FLOT1: variants seen among roughly 807,000 people sequenced by gnomAD.
FLOT1 encodes the protein flotillin-1.
A neutral mutation model predicts 58.4 loss-of-function variants in FLOT1; 40 were observed. The ratio of observed to expected loss-of-function variants is 0.69; its 90% CI spans 0.53 to 0.89. The LOEUF is 0.89. FLOT1 is among the 40% of genes least tolerant of loss of function. The probability of loss-of-function intolerance (pLI) is 0.00; values close to 1 mark genes in which losing one functional copy is unlikely to be tolerated. For synonymous variants in FLOT1, 178 were observed against 204.2 expected (o/e 0.87, Z 1.09); for missense variants, 423 against 540.8 (o/e 0.78, Z 2.16).
rs1554208614 is a variant in FLOT1 at position 30,737,246 on chromosome 6, G to GTCCGTCCGTCCGTCCATCCA, written c.723+2911_723+2912insTGGATGGACGGACGGACGGA. On this transcript the variant is annotated intron_variant, in intron 8 of 12. Coordinates refer to ENST00000376389, the MANE Select transcript of FLOT1 (RefSeq NM_005803.4). The surrounding 1 kb of genome is among the most constrained non-coding windows in gnomAD (Gnocchi z 4.4). ...CGTCCGTCCGTCCGTCCGTCCGTCC[G>GTCCGTCCGTCCGTCCATCCA]TCCATCCGTCCATCCATCCATCCAT... Among the ~76,000 whole-genome samples the GTCCGTCCGTCCGTCCATCCA allele has an allele frequency of 1.4e-5, 2 of 145,398 alleles. No individual in the cohort carries two copies. Among genetic ancestry groups the GTCCGTCCGTCCGTCCATCCA allele is most frequent in the Non-Finnish European group, 3.0e-5 (2 of 65,840 alleles).
intron 5 of FLOT1, 28 bp from the exon 6 acceptor site, chr6:30,740,826 G>A (rs775165694): frequency 1.3e-6 from 2 of 1,520,644 alleles, no homozygotes; most frequent in South Asian, 1.2e-5. Context: ...TGGGGAGAAG[G>A]GATGTAAGTT....
chr6:30,728,318 A>G (rs1776884668), intron 12 of FLOT1, among the ~76,000 whole-genome samples, 173 bp from the exon 13 acceptor site: 1 of 152,086 alleles, frequency 6.6e-6, no homozygotes, highest in African/African-American at 2.4e-5. Context: ...ACCCACATAC[A>G]ATAAATCACT....
At chr6:30,733,288 G>A (rs550053541) in intron 8 of FLOT1, among the ~76,000 whole-genome samples, 33 of 151,998 alleles carry the variant, frequency 2.2e-4, no homozygotes, top group Non-Finnish European at 3.8e-4. Context: ...CACCTGCTTC[G>A]GCTTCCCAAA....
intron 8 of FLOT1, among the ~76,000 whole-genome samples, chr6:30,733,747 A>C (rs1777361664): frequency 7.8e-6 from 1 of 128,592 alleles, no homozygotes; most frequent in Non-Finnish European, 1.6e-5. Context: ...TCTCAAAAAA[A>C]AAAAAAAAGA....
intron 9 of FLOT1, 42 bp downstream of exon 9, chr6:30,730,877 G>A (rs775071117): frequency 2.5e-6 from 4 of 1,602,520 alleles, no homozygotes; most frequent in Admixed American, 3.4e-5. Context: ...GGGGTGCCTA[G>A]GTGGCAAGTG....
At chr6:30,730,314 C>CA in intron 11 of FLOT1, 114 bp downstream of exon 11, 2 of 1,492,448 alleles carry the variant, frequency 1.3e-6, no homozygotes, top group Non-Finnish European at 1.8e-6. Context: ...TAATAATTCC[C>CA]ACCCCTAATT....
intron 12 of FLOT1, among the ~76,000 whole-genome samples, chr6:30,728,830 G>A (rs1231127928): frequency 1.3e-5 from 2 of 149,396 alleles, no homozygotes; most frequent in Non-Finnish European, 3.0e-5. Context: ...TGCCTAGGAT[G>A]GAGTGCAGTG....
In FLOT1 at chr6:30,741,177, C is replaced by A; in HGVS notation, c.354+13G>T. 7 of 1,612,628 alleles carry A rather than the reference C, an allele frequency of 4.3e-6. No individual in the cohort carries two copies. The highest frequency in any genetic ancestry group is 5.9e-6 in the Non-Finnish European group (7 of 1,179,932). ...TGACATCCTTCCAGATGGTTCCCTG[C>A]CCCTAGGCCAACCTCCACAGTCATG... On this transcript the variant is annotated intron_variant, in intron 5 of 12. Coordinates refer to ENST00000376389, the MANE Select transcript of FLOT1 (RefSeq NM_005803.4). The surrounding 1 kb of genome is among the most constrained non-coding windows in gnomAD (Gnocchi z 5.9).
rs1306799946 is a variant in FLOT1, at chr6:30,737,711, T to C, written c.723+2447A>G. On this transcript the variant is annotated intron_variant, in intron 8 of 12. Coordinates refer to ENST00000376389, the MANE Select transcript of FLOT1 (RefSeq NM_005803.4). The surrounding 1 kb of genome is among the most constrained non-coding windows in gnomAD (Gnocchi z 4.4). The stretch of plus-strand genomic sequence containing the variant: ...CGCTAACCTAATATACTAACTCCCC[T>C]CCCACAGTTTTTCACATCACCCTGT... Among the ~76,000 whole-genome samples, 2 of 152,140 alleles carry C rather than the reference T, an allele frequency of 1.3e-5. No homozygotes were observed. Among genetic ancestry groups the C allele is most frequent in the African/African-American group, 2.4e-5 (1 of 41,444 alleles).
At chr6:30,736,247 G>C (rs75727211) in intron 8 of FLOT1, 11,230 of 151,858 alleles carry the variant, frequency 0.074, 674 homozygotes, top group African/African-American at 0.16. Context: ...GTAAGACCCG[G>C]TCTCAAAGAG....
In FLOT1 at chr6:30,730,716, A is replaced by G; in HGVS notation, c.917T>C (p.Ile306Thr). The G allele has an allele frequency of 6.2e-7, 1 of 1,613,306 alleles. No homozygotes were observed. The highest frequency in any genetic ancestry group is 1.7e-5 in the Admixed American group (1 of 60,028). Residue 306 changes from isoleucine to threonine, a missense_variant, in exon 10 of 13, where the codon ATT becomes ACT. This residue lies in a region of FLOT1 where 106 missense variants were observed against 88.4 expected (regional missense o/e 1.20). Coordinates refer to ENST00000376389, the MANE Select transcript of FLOT1 (RefSeq NM_005803.4). The stretch of plus-strand genomic sequence containing the variant: ...CGCGGCTTCTGCCTCCGCCTGCATA[A>G]TTAGTTGGGACCTGTGGACAGAAGG... ...RLAEAEKSQL[I>T]MQAEAEAASV...
chr6:30,742,208 A>C lies in FLOT1; in HGVS notation c.-14-5T>G. 1 of 1,612,752 alleles carries C rather than the reference A, an allele frequency of 6.2e-7. No homozygotes were observed. The highest frequency in any genetic ancestry group is 8.5e-7 in the Non-Finnish European group (1 of 1,179,780). ...AAAACATGGTTCAGGCTGGAGCTGG[A>C]GGAGAGGGAGGGAAAGCCTTTGCGG... On this transcript the variant is annotated splice_region_variant and splice_polypyrimidine_tract_variant and intron_variant, in intron 1 of 12. Coordinates refer to ENST00000376389, the MANE Select transcript of FLOT1 (RefSeq NM_005803.4). This position sits in a 1 kb window ranked among gnomAD's most constrained non-coding sequence, Gnocchi z 5.2.
rs1221651156 is a variant in FLOT1 at position 30,742,308 on chromosome 6, C to T, written c.-14-105G>A. The T allele has an allele frequency of 7.6e-6, 7 of 926,648 alleles. No homozygotes were observed. The highest frequency in any genetic ancestry group is 1.2e-5 in the Non-Finnish European group (7 of 564,828). The allele number at this position is 926,648 out of a possible 1,614,324, so 57.4% of individuals were successfully genotyped here. On this transcript the variant is annotated intron_variant, in intron 1 of 12. Coordinates refer to ENST00000376389, the MANE Select transcript of FLOT1 (RefSeq NM_005803.4). The surrounding 1 kb of genome is among the most constrained non-coding windows in gnomAD (Gnocchi z 5.2). Reference sequence around the variant, plus strand: ...CCGTCAGGCCCTCCCAGTCTGCATCCGCCACGGCCCGTCCCTTCTACACCC... The same window carrying T: ...CCGTCAGGCCCTCCCAGTCTGCATCTGCCACGGCCCGTCCCTTCTACACCC...
chr6:30,740,449 T>A, intron 7 of FLOT1, 47 bp downstream of exon 7: 1 of 1,597,206 alleles, frequency 6.3e-7, no homozygotes, highest in Non-Finnish European at 8.6e-7. Flanking sequence ...TTCTCAGTTG[T>A]GCCACTTCTA....
At chr6:30,739,111 T>C (rs1777779706) in intron 8 of FLOT1, among the ~76,000 whole-genome samples, 1 of 152,230 alleles carries the variant, frequency 6.6e-6, no homozygotes, top group Admixed American at 6.5e-5. Flanking sequence ...CAGGATTCAA[T>C]GTCCAAGTCC....
intron 8 of FLOT1, among the ~76,000 whole-genome samples, chr6:30,734,620 A>G (rs746342477): frequency 6.6e-6 from 1 of 151,826 alleles, no homozygotes; most frequent in Admixed American, 6.6e-5. Context: ...CTTGACTCTT[A>G]TTAGTCCCTT....
Position 30,739,516 on chromosome 6 carries a change from C to T in FLOT1, c.723+642G>A, listed in dbSNP as rs150058434. On this transcript the variant is annotated intron_variant, in intron 8 of 12. Transcript: ENST00000376389. The stretch of plus-strand genomic sequence containing the variant: ...TCCCAAGTAGCTGGGACTACAGGTG[C>T]GTGCCACCATACCTGGCTAATTTTT... Among the ~76,000 whole-genome samples the T allele has an allele frequency of 7.9e-3, 1,209 of 152,098 alleles. 9 individuals are homozygous for T. The highest frequency in any genetic ancestry group is 0.013 in the Non-Finnish European group (887 of 67,996).
chr6:30,734,311 T>A (rs1342335289), intron 8 of FLOT1, among the ~76,000 whole-genome samples: 2 of 146,848 alleles, frequency 1.4e-5, no homozygotes, highest in Non-Finnish European at 3.0e-5. Context: ...GTGCTTGACT[T>A]TTTTTTTTTT....
chr6:30,739,440 G>A (rs1228323678), intron 8 of FLOT1, among the ~76,000 whole-genome samples: 1 of 150,308 alleles, frequency 6.7e-6, no homozygotes, highest in Non-Finnish European at 1.5e-5. Context: ...CGTGGTCTCA[G>A]CTCACTGCAA....
Sources: gnomAD v4.1 joint callset for allele counts (sites outside exome capture counted in the v4.1 genomes callset) on GRCh38, gnomAD v4.1.1 for gene constraint, gnomAD v4.1.1 regional missense constraint, Gnocchi (gnomAD v3.1) non-coding constraint, MANE v1.5 for transcripts, NCBI Gene and HGNC (gene_info 2026-07-23, HGNC 2026-07-21) for gene names.